ERBB4: variants seen among roughly 807,000 people sequenced by gnomAD.
ERBB4 encodes the protein erb-b2 receptor tyrosine kinase 4.
ERBB4 carries 42 observed loss-of-function variants against 158.0 expected under a neutral mutation model. The observed-to-expected ratio is 0.27, with a 90% CI of 0.21 to 0.34. ERBB4 has a LOEUF of 0.34. Among genes scored for constraint, ERBB4 ranks in the 10% least tolerant of loss-of-function variants. ERBB4 has a pLI of 1.00. For synonymous variants in ERBB4, 583 were observed against 558.7 expected (o/e 1.04, Z -0.61); for missense variants, 1,333 against 1,624.1 (o/e 0.82, Z 3.08).
intron 1 of ERBB4, among the ~76,000 whole-genome samples, chr2:212,471,115 G>T (rs1489855061): frequency 1.3e-5 from 2 of 152,000 alleles, no homozygotes; most frequent in African/African-American, 4.8e-5. Context: ...TCAACCCAAT[G>T]TTTTGGCTAG....
At chr2:211,934,175 G>A (rs1218591235) in intron 3 of ERBB4, among the ~76,000 whole-genome samples, 1 of 151,820 alleles carries the variant, frequency 6.6e-6, no homozygotes, top group Non-Finnish European at 1.5e-5. Context: ...ATAAAACTCT[G>A]CTGTAAATAT....
At chr2:212,401,124 T>G (rs1002952585) in intron 1 of ERBB4, among the ~76,000 whole-genome samples, 3 of 152,154 alleles carry the variant, frequency 2.0e-5, no homozygotes, top group Non-Finnish European at 4.4e-5. Flanking sequence ...ATTTACCCAA[T>G]GTCTGTGTAT....
At position 212,401,281 on chromosome 2, in the gene ERBB4, T is replaced by C. The variant is rs1007957459; in HGVS notation, c.82+137168A>G. On this transcript the variant is annotated intron_variant, in intron 1 of 27. Transcript: ENST00000342788. ...AGTCAGAATTTCTTCATTTGTAAAA[T>C]ACCATGACTTCCTTACAGAGTTATT... 2.1e-4 allele frequency among the ~76,000 whole-genome samples: 32 copies of C among 152,092 alleles called. 1 individual carries two copies. The highest frequency in any genetic ancestry group is 5.9e-5 in the Non-Finnish European group (4 of 68,006).
At chr2:211,909,300 A>G (rs1417047062) in intron 3 of ERBB4, among the ~76,000 whole-genome samples, 3 of 151,710 alleles carry the variant, frequency 2.0e-5, no homozygotes, top group Non-Finnish European at 4.4e-5. Context: ...TTTTTCCATA[A>G]TTATCATTAG....
At chr2:211,710,323 T>A (rs1458200815) in intron 9 of ERBB4, among the ~76,000 whole-genome samples, 2,139 of 152,330 alleles carry the variant, frequency 0.014, 44 homozygotes, top group African/African-American at 0.048. Flanking sequence ...TCTTCTTATT[T>A]CTCAGAAGAC....
intron 2 of ERBB4, among the ~76,000 whole-genome samples, chr2:212,062,620 T>C (rs2077814809): frequency 6.6e-6 from 1 of 152,048 alleles, no homozygotes; most frequent in Non-Finnish European, 1.5e-5. Context: ...TTGGCCAGGA[T>C]GGTATCAATC....
intron 24 of ERBB4, among the ~76,000 whole-genome samples, chr2:211,420,840 C>A (rs2063499238): frequency 6.6e-6 from 1 of 151,876 alleles, no homozygotes; most frequent in Admixed American, 6.6e-5. Context: ...ATGATAAATG[C>A]CATTAGAGAA....
At chr2:212,473,474 A>G (rs1689217672) in intron 1 of ERBB4, among the ~76,000 whole-genome samples, 1 of 152,110 alleles carries the variant, frequency 6.6e-6, no homozygotes, top group South Asian at 2.1e-4. Context: ...AAAAGTGCCA[A>G]TTAAATGAAG....
At chr2:212,132,239 A>G (rs957728673) in intron 1 of ERBB4, among the ~76,000 whole-genome samples, 12 of 152,152 alleles carry the variant, frequency 7.9e-5, no homozygotes, top group African/African-American at 2.2e-4. Context: ...GAAATCATTT[A>G]CCTTTTATTG....
intron 20 of ERBB4, among the ~76,000 whole-genome samples, chr2:211,436,841 A>G (rs1304918308): frequency 6.6e-6 from 1 of 152,226 alleles, no homozygotes; most frequent in African/African-American, 2.4e-5. Flanking sequence ...ATATAAGAAG[A>G]AAGAAAAATT....
chr2:212,235,347 G>A lies in ERBB4; in HGVS notation c.83-110444C>T, dbSNP rs577937890. On this transcript the variant is annotated intron_variant, in intron 1 of 27. Transcript: ENST00000342788. ...TCCATTCATCTATATATCTGTTTTGGTACCAGTACCATGCTGTTTTGGTTA... is the reference window on the plus strand; with the variant it reads ...TCCATTCATCTATATATCTGTTTTGATACCAGTACCATGCTGTTTTGGTTA... Among the ~76,000 whole-genome samples the A allele has an allele frequency of 3.5e-4, 53 of 152,034 alleles. 1 individual carries two copies. Among genetic ancestry groups the A allele is most frequent in the Admixed American group, 5.9e-4 (9 of 15,250 alleles).
rs17432419 is a variant in ERBB4, at chr2:212,419,013, A to G, written c.82+119436T>C. On this transcript the variant is annotated intron_variant, in intron 1 of 27. Transcript: ENST00000342788. ...CTTAAAATGTATTTTCATACGTGTG[A>G]AAAGAGCCATACCCTATACTCTGCC... is the stretch of plus-strand genomic sequence containing the variant. Among the ~76,000 whole-genome samples, 683 of 151,978 alleles carry G rather than the reference A, an allele frequency of 4.5e-3. 3 individuals carry two copies. The highest frequency in any genetic ancestry group is 0.016 in the South Asian group (76 of 4,826).
chr2:211,578,554 TA>T (rs1486345226), intron 19 of ERBB4, among the ~76,000 whole-genome samples: 1 of 152,136 alleles, frequency 6.6e-6, no homozygotes, highest in Non-Finnish European at 1.5e-5. Context: ...CTTCAAACTA[TA>T]TTACAAGGCT....
chr2:212,109,083 T>C (rs2079320428), intron 2 of ERBB4, among the ~76,000 whole-genome samples: 1 of 152,170 alleles, frequency 6.6e-6, no homozygotes, highest in African/African-American at 2.4e-5. Flanking sequence ...TGGATCATTG[T>C]GGGAATGTAT....
chr2:211,610,284 A>AT (rs1330654375), intron 19 of ERBB4, among the ~76,000 whole-genome samples: 3 of 152,120 alleles, frequency 2.0e-5, no homozygotes, highest in Admixed American at 1.3e-4. Context: ...CCTTAACCAA[A>AT]TTACTGCCCT....
At chr2:211,861,363 T>TTTTCTTTTG (rs2078050362) in intron 3 of ERBB4, among the ~76,000 whole-genome samples, 1 of 99,768 alleles carries the variant, frequency 1.0e-5, no homozygotes. Context: ...TTTTTTTTTT[T>TTTTCTTTTG]TTTTTTACTT....
chr2:212,096,502 C>G (rs977892291), intron 2 of ERBB4, among the ~76,000 whole-genome samples: 1 of 151,954 alleles, frequency 6.6e-6, no homozygotes, highest in South Asian at 2.1e-4. Context: ...TTTAAAGGAC[C>G]GTTTTGTTCT....
At chr2:211,654,546 T>C (rs1407162197) in intron 16 of ERBB4, among the ~76,000 whole-genome samples, 1 of 152,236 alleles carries the variant, frequency 6.6e-6, no homozygotes, top group Non-Finnish European at 1.5e-5. Flanking sequence ...CCTGTTGATA[T>C]GTAAATTACT....
intron 3 of ERBB4, among the ~76,000 whole-genome samples, chr2:211,932,256 T>C (rs10180494): frequency 0.43 from 64,759 of 151,858 alleles, 16,034 homozygotes; most frequent in Non-Finnish European, 0.56. Context: ...CTCTGAGCTC[T>C]GTTTTTATCA....
Sources: allele counts gnomAD v4.1 joint callset (sites outside exome capture counted in the v4.1 genomes callset), GRCh38; gene constraint gnomAD v4.1.1; transcripts MANE v1.5; gene names NCBI Gene and HGNC (gene_info 2026-07-23, HGNC 2026-07-21).